ZMYM5: variants seen among roughly 807,000 people sequenced by gnomAD.
ZMYM5 encodes zinc finger MYM-type protein 5.
Under a neutral mutation model 61.8 loss-of-function variants are expected in ZMYM5, and 41 were observed. The observed-to-expected ratio is 0.66, with a 90% CI of 0.52 to 0.86. The LOEUF (loss-of-function observed/expected upper bound fraction) is 0.86. Among genes scored for constraint, ZMYM5 ranks in the 40% least tolerant of loss-of-function variants. The pLI is 0.00. For synonymous variants in ZMYM5, 257 were observed against 276.4 expected (o/e 0.93, Z 0.70); for missense variants, 706 against 786.7 (o/e 0.90, Z 1.23).
Position 19,851,704 on chromosome 13 carries a change from A to G in ZMYM5, c.477T>C (p.Ser159=). The G allele has an allele frequency of 6.4e-7, 1 of 1,574,314 alleles. No individual in the cohort carries two copies. Among genetic ancestry groups the G allele is most frequent in the Middle Eastern group, 1.7e-4 (1 of 5,818 alleles). ...CTGCATTTACCTTACTTCTTGAAAG[A>G]CTGGAAGTGGAGAAATCCAAATCGT... ...KTNDLDFSTS[S]LSRSKTKTGV... is the part of the protein sequence containing the mutation. The change falls in exon 3 of 8, where the codon AGT becomes AGC. Residue 159 remains serine, a synonymous_variant. Transcript: ENST00000337963.
intron 7 of ZMYM5, 132 bp downstream of exon 7, chr13:19,835,345 G>A (rs1952642221): frequency 3.2e-6 from 2 of 632,594 alleles, no homozygotes; most frequent in Admixed American, 3.5e-5. Context: ...TTGAATATTT[G>A]AGATGGGACA....
intron 3 of ZMYM5, 108 bp downstream of exon 3, chr13:19,851,581 C>A: frequency 6.5e-7 from 1 of 1,541,366 alleles, no homozygotes; most frequent in South Asian, 1.2e-5. Flanking sequence ...TCACATCTTG[C>A]CCAGCATTCA....
chr13:19,837,787 G>C lies in ZMYM5; in HGVS notation c.907C>G (p.Pro303Ala). Reference protein sequence around the residue: ...ASTKKANVILPVESSKSFQEF... With the variant: ...ASTKKANVILAVESSKSFQEF... ...TGGAAGGATTTGCTTGATTCTACTG[G>C]AAGAATGACATTAGCCTTCTTTGTA... Residue 303 changes from proline (P) to alanine (A), a missense_variant, in exon 6 of 8, where the codon CCA (proline) becomes GCA (alanine). Physicochemically the swap from Pro to Ala is conservative, Grantham distance 27. Coordinates refer to ENST00000337963, the MANE Select transcript of ZMYM5 (RefSeq NM_001142684.2). 6.3e-7 allele frequency: 1 copy of C among 1,593,500 alleles called. No homozygotes were observed. Among genetic ancestry groups the C allele is most frequent in the Non-Finnish European group, 8.5e-7 (1 of 1,175,616 alleles).
intron 2 of ZMYM5, among the ~76,000 whole-genome samples, chr13:19,854,637 A>AC (rs940556511): frequency 1.3e-5 from 2 of 151,678 alleles, no homozygotes; most frequent in East Asian, 3.9e-4. Flanking sequence ...CAAAAAAAAA[A>AC]AAAAAAAACC....
At chr13:19,851,580 G>A (rs981005417) in intron 3 of ZMYM5, 109 bp downstream of exon 3, 5 of 1,536,942 alleles carry the variant, frequency 3.3e-6, no homozygotes, top group African/African-American at 2.7e-5. Flanking sequence ...TTCACATCTT[G>A]CCCAGCATTC....
At chr13:19,860,128 GA>G (rs1222756147) in intron 2 of ZMYM5, among the ~76,000 whole-genome samples, 50 of 140,958 alleles carry the variant, frequency 3.5e-4, no homozygotes, top group African/African-American at 1.1e-3. Context: ...AAAAAAAGAG[GA>G]AAAAAAAAGA....
At chr13:19,842,930 G>A (rs544794894) in intron 4 of ZMYM5, among the ~76,000 whole-genome samples, 10 of 126,950 alleles carry the variant, frequency 7.9e-5, no homozygotes, top group South Asian at 2.7e-4. Flanking sequence ...ACTGCACTCC[G>A]GCCTGGGAGA....
Position 19,835,652 on chromosome 13 carries a change from TTA to T in ZMYM5, c.1074_1075del (p.His358GlnfsTer5), listed in dbSNP as rs753293798. The stretch of plus-strand genomic sequence containing the variant: ...ATTAAAGCAATGGTTACTGCACAGT[TTA>T]TGTGTTACATTATTTACGCTGACTT... On this transcript the variant is annotated frameshift_variant, in exon 7 of 8. Coordinates refer to ENST00000337963, the MANE Select transcript of ZMYM5 (RefSeq NM_001142684.2). LOFTEE classifies it high-confidence loss of function. 1 of 1,367,548 alleles carries T rather than the reference TTA, an allele frequency of 7.3e-7. No homozygotes were observed. Among genetic ancestry groups the T allele is most frequent in the Non-Finnish European group, 9.8e-7 (1 of 1,021,858 alleles). 84.7% of individuals were successfully genotyped at this position (1,367,548 alleles called of 1,614,324 possible).
rs771867185 is a variant in ZMYM5 at position 19,838,664 on chromosome 13, C to CA, written c.872+35dup. ...AGTACTTATTTATACCATTAGTATT[C>CA]AACTATGTGGAGAAATGTTGAAAGG... On this transcript the variant is annotated intron_variant, in intron 5 of 7. Transcript: ENST00000337963. The CA allele has an allele frequency of 5.6e-6, 9 of 1,605,130 alleles. No individual in the cohort carries two copies. In the South Asian group the frequency reaches 6.6e-5, roughly 12 times the overall value.
intron 7 of ZMYM5, among the ~76,000 whole-genome samples, chr13:19,826,284 G>A (rs559679655): frequency 3.3e-5 from 5 of 151,822 alleles, no homozygotes; most frequent in Non-Finnish European, 5.9e-5. Context: ...CCTGGGAGGC[G>A]GAGGTTGCAG....
intron 2 of ZMYM5, among the ~76,000 whole-genome samples, chr13:19,854,613 A>G (rs1246325323): frequency 1.5e-5 from 2 of 136,620 alleles, no homozygotes; most frequent in Admixed American, 8.1e-5. Context: ...GGGCAACACA[A>G]TAAGACTTCG....
rs138929945 is a variant in ZMYM5, at chr13:19,825,601, C to A, written c.1252-366G>T. Among the ~76,000 whole-genome samples the A allele has an allele frequency of 4.2e-3, 630 of 151,034 alleles. 2 individuals are homozygous for A. The highest frequency in any genetic ancestry group is 0.015 in the African/African-American group (609 of 41,046). On this transcript the variant is annotated intron_variant, in intron 7 of 7. Transcript: ENST00000337963. ...GGCAGAGGTTGAGCTGAGCTGAGAT[C>A]GCGCCACTGCACTCCAGTCTGGGCG...
intron 4 of ZMYM5, among the ~76,000 whole-genome samples, chr13:19,850,557 C>T (rs995934253): frequency 2.7e-4 from 41 of 151,948 alleles, no homozygotes; most frequent in South Asian, 2.1e-4. Flanking sequence ...GCCGAGATGA[C>T]GCCATTGCAC....
At position 19,851,979 on chromosome 13, in the gene ZMYM5, G is replaced by C. The variant is rs1593906051; in HGVS notation, c.202C>G (p.Pro68Ala). 6.2e-7 allele frequency: 1 copy of C among 1,614,012 alleles called. No individual in the cohort carries two copies. Among genetic ancestry groups the C allele is most frequent in the East Asian group, 2.2e-5 (1 of 44,866 alleles). Reference sequence around the variant, plus strand: ...ATTGCTGGAGCAGAAATTGAAGGAGGTTGTATAGATTCAATAAACACAACA... The same window carrying C: ...ATTGCTGGAGCAGAAATTGAAGGAGCTTGTATAGATTCAATAAACACAACA... ...DDVVFIESIQ[P>A]PSISAPAIAD... is the part of the protein sequence containing the mutation. Residue 68 changes from proline to alanine, a missense_variant, in exon 3 of 8, where the codon CCT (proline) becomes GCT (alanine). By Grantham distance (27) the Pro-to-Ala change is conservative. This residue lies in a region of ZMYM5 where 480 missense variants were observed against 461.7 expected (regional missense o/e 1.04). Transcript: ENST00000337963.
chr13:19,848,137 AT>A (rs1028633960), intron 4 of ZMYM5, among the ~76,000 whole-genome samples: 4 of 150,358 alleles, frequency 2.7e-5, no homozygotes, highest in East Asian at 2.0e-4. Flanking sequence ...TACCCAGCTA[AT>A]TTTTTTTTGT....
At chr13:19,825,286 T>C (rs1290123608) in intron 7 of ZMYM5, 51 bp from the exon 8 acceptor site, 1 of 1,179,950 alleles carries the variant, frequency 8.5e-7, no homozygotes, top group African/African-American at 1.6e-5. Context: ...TTTTAAAAAT[T>C]AATGTATATT....
rs1385987984 is a variant in ZMYM5 at position 19,825,250 on chromosome 13, G to A, written c.1252-15C>T. On this transcript the variant is annotated splice_polypyrimidine_tract_variant and intron_variant, in intron 7 of 7. Transcript: ENST00000337963. ...GTTTCCATCATCTGAGGACAAAGAG[G>A]ATTATAATTTTATTTTAGGTTAAAC... 1 of 1,230,630 alleles carries A rather than the reference G, an allele frequency of 8.1e-7. No individual in the cohort carries two copies. The allele number at this position is 1,230,630 out of a possible 1,614,324, so 76.2% of individuals were successfully genotyped here.
chr13:19,853,023 TA>T (rs1371886618), intron 2 of ZMYM5, among the ~76,000 whole-genome samples: 1 of 152,134 alleles, frequency 6.6e-6, no homozygotes, highest in Admixed American at 6.5e-5. Flanking sequence ...TAATGTTCCA[TA>T]AAGTTCTTGG....
intron 6 of ZMYM5, 134 bp downstream of exon 6, chr13:19,837,522 T>G: frequency 6.2e-7 from 1 of 1,603,466 alleles, no homozygotes; most frequent in South Asian, 1.1e-5. Context: ...TAACATATCC[T>G]TATTCTTCCT....
Sources: allele counts gnomAD v4.1 joint callset (sites outside exome capture counted in the v4.1 genomes callset), GRCh38; gene constraint gnomAD v4.1.1; regional missense constraint gnomAD v4.1.1; transcripts MANE v1.5; gene names NCBI Gene and HGNC (gene_info 2026-07-23, HGNC 2026-07-21).